Variants in EPB41L4B observed in about 807,000 individuals in gnomAD.
EPB41L4B encodes the protein band 4.1-like protein 4B.
A neutral mutation model predicts 112.5 loss-of-function variants in EPB41L4B; 30 were observed. That is an observed-to-expected ratio of 0.27 (90% CI 0.20 to 0.36). The LOEUF is 0.36. EPB41L4B is among the 10% of genes least tolerant of loss of function. EPB41L4B has a pLI of 1.00. For missense variants in EPB41L4B, 1,024 were observed against 1,133.3 expected, an observed-to-expected ratio of 0.90 and a Z score of 1.38; for synonymous variants, 408 against 439.7, an observed-to-expected ratio of 0.93 and a Z score of 0.90.
At chr9:109,320,024 G>A in intron 1 of EPB41L4B, 117 bp downstream of exon 1, 1 of 807,692 alleles carries the variant, frequency 1.2e-6, no homozygotes, top group South Asian at 3.8e-5. Flanking sequence ...GAAGAGGATG[G>A]GGGAGGGGAT....
chr9:109,279,845 A>T lies in EPB41L4B; in HGVS notation c.383T>A (p.Leu128His). 1 of 1,614,176 alleles carries T rather than the reference A, an allele frequency of 6.2e-7. No individual in the cohort carries two copies. The highest frequency in any genetic ancestry group is 8.5e-7 in the Non-Finnish European group (1 of 1,180,000). ...LDLVETDYFG[L>H]QFLDSAQVAH... is the part of the protein sequence containing the mutation. Reference sequence around the variant, plus strand: ...AACCTGGGCAGAGTCGAGGAACTGGAGGCCAAAGTAATCTGTTTCCACAAG... The same window carrying T: ...AACCTGGGCAGAGTCGAGGAACTGGTGGCCAAAGTAATCTGTTTCCACAAG... The change falls in exon 2 of 26, where the codon CTC (leucine) becomes CAC (histidine). Residue 128 changes from leucine (L) to histidine (H), a missense_variant. By Grantham distance (99) the Leu-to-His change is moderately conservative. Coordinates refer to ENST00000374566, the MANE Select transcript of EPB41L4B (RefSeq NM_019114.5).
chr9:109,315,442 G>A (rs1392008916), intron 1 of EPB41L4B, among the ~76,000 whole-genome samples: 1 of 152,136 alleles, frequency 6.6e-6, no homozygotes, highest in Non-Finnish European at 1.5e-5. Flanking sequence ...TTTTTCCACT[G>A]TTTGGGAAAA....
intron 1 of EPB41L4B, among the ~76,000 whole-genome samples, chr9:109,297,228 A>G (rs953330811): frequency 7.9e-5 from 12 of 151,828 alleles, no homozygotes; most frequent in Non-Finnish European, 4.4e-5. Flanking sequence ...AGCCAAGGAG[A>G]GAGGCTTCAG....
At position 109,216,950 on chromosome 9, in the gene EPB41L4B, G is replaced by C; in HGVS notation, c.1605C>G (p.Ser535=). Residue 535 remains serine, a synonymous_variant, in exon 16 of 26, where the codon TCC becomes TCG. Coordinates refer to ENST00000374566, the MANE Select transcript of EPB41L4B (RefSeq NM_019114.5). ...TLENKEGPLR[S]PNSSSKSLTK... The stretch of plus-strand genomic sequence containing the variant: ...TAAGGGACTTGCTGCTGGAGTTTGG[G>C]GACCTCAGAGGCCCCTCTTTGTTCT... 6.2e-7 allele frequency: 1 copy of C among 1,614,138 alleles called. No individual in the cohort carries two copies. Among genetic ancestry groups the C allele is most frequent in the Admixed American group, 1.7e-5 (1 of 60,016 alleles).
intron 2 of EPB41L4B, among the ~76,000 whole-genome samples, chr9:109,279,253 C>A (rs1381230974): frequency 2.0e-5 from 3 of 151,698 alleles, no homozygotes; most frequent in Non-Finnish European, 2.9e-5. Flanking sequence ...TGGAATACAG[C>A]CACTAGGGAG....
chr9:109,185,518 A>C lies in EPB41L4B; in HGVS notation c.2389T>G (p.Cys797Gly), dbSNP rs757769266. 3.7e-6 allele frequency: 6 copies of C among 1,613,826 alleles called. No homozygotes were observed. The African/African-American group carries it at 8.0e-5, about 22-fold the overall frequency. Residue 797 changes from cysteine (C) to glycine (G), a missense_variant, in exon 23 of 26, where the codon TGC becomes GGC. Physicochemically the swap from Cys to Gly is radical, Grantham distance 159. Transcript: ENST00000374566. ...LPMKEETTGV[C>G]MYPPIKTRLI... The stretch of plus-strand genomic sequence containing the variant: ...CTCGTTTTGATTGGAGGGTACATGC[A>C]AACTCCAGTGGTCTCTTCCTTCATG...
rs1554766777 is a variant in EPB41L4B at position 109,314,636 on chromosome 9, C to CA, written c.306+5504_306+5505insT. 1.7e-4 allele frequency among the ~76,000 whole-genome samples: 21 copies of CA among 127,104 alleles called. 1 individual carries two copies. The highest frequency in any genetic ancestry group is 7.2e-4 in the African/African-American group (20 of 27,814). The allele number at this position is 127,104 out of a possible 152,430, so 83.4% of individuals were successfully genotyped here. A position where few individuals can be genotyped will look rare whatever the true frequency, so the allele number is the denominator to read the frequency against. ...AGGGTGTTCATTACCCCTCTCTCAC[C>CA]CCCCCCCACCTCAGCCTTTCTTTTA... On this transcript the variant is annotated intron_variant, in intron 1 of 25. Coordinates refer to ENST00000374566, the MANE Select transcript of EPB41L4B (RefSeq NM_019114.5).
chr9:109,227,370 T>C (rs1461986992), intron 15 of EPB41L4B, among the ~76,000 whole-genome samples: 1 of 152,202 alleles, frequency 6.6e-6, no homozygotes, highest in Non-Finnish European at 1.5e-5. Context: ...AAAATCCCAC[T>C]GGAGTTCTGA....
intron 1 of EPB41L4B, among the ~76,000 whole-genome samples, chr9:109,313,250 G>A (rs917955538): frequency 6.6e-6 from 1 of 152,226 alleles, no homozygotes; most frequent in Non-Finnish European, 1.5e-5. Flanking sequence ...TTAATGTAGT[G>A]TAAGGGCTCA....
chr9:109,221,157 C>T (rs1260015463), intron 15 of EPB41L4B, among the ~76,000 whole-genome samples: 1 of 150,852 alleles, frequency 6.6e-6, no homozygotes, highest in Non-Finnish European at 1.5e-5. Flanking sequence ...AAAAGATTCC[C>T]TTTTAAAAAC....
intron 15 of EPB41L4B, among the ~76,000 whole-genome samples, chr9:109,220,097 C>CTTAA (rs1833520868): frequency 6.6e-6 from 1 of 152,154 alleles, no homozygotes; most frequent in South Asian, 2.1e-4. Context: ...CAGTAAATGC[C>CTTAA]TTTATTTATT....
chr9:109,256,122 C>G lies in EPB41L4B; in HGVS notation c.929+14G>C. 1 of 1,604,102 alleles carries G rather than the reference C, an allele frequency of 6.2e-7. No homozygotes were observed. Among genetic ancestry groups the G allele is most frequent in the East Asian group, 2.2e-5 (1 of 44,810 alleles). ...AGGAAAAGACATTTTTAATATTAGA[C>G]AAAACTAAATTACCAAAAGAATAAG... is the stretch of plus-strand genomic sequence containing the variant. On this transcript the variant is annotated intron_variant, in intron 9 of 25. Transcript: ENST00000374566.
intron 17 of EPB41L4B, among the ~76,000 whole-genome samples, chr9:109,210,085 CA>C (rs112355718): frequency 3.3e-4 from 48 of 145,700 alleles, no homozygotes; most frequent in African/African-American, 7.0e-4. Flanking sequence ...TATATATAAC[CA>C]AAAAAAAAAG....
intron 2 of EPB41L4B, among the ~76,000 whole-genome samples, chr9:109,278,029 C>T (rs181644696): frequency 2.7e-4 from 41 of 152,090 alleles, no homozygotes; most frequent in African/African-American, 9.6e-4. Context: ...CTGAGGCTAC[C>T]CAGAGGAAGA....
intron 22 of EPB41L4B, among the ~76,000 whole-genome samples, chr9:109,186,460 T>G (rs2118646651): frequency 6.6e-6 from 1 of 151,434 alleles, no homozygotes; most frequent in Admixed American, 6.6e-5. Flanking sequence ...GTGTTGGGAT[T>G]ACAAGTGTGA....
intron 14 of EPB41L4B, 108 bp downstream of exon 14, chr9:109,247,648 G>T: frequency 3.0e-6 from 2 of 675,520 alleles, no homozygotes; most frequent in South Asian, 3.8e-5. Context: ...TTACAAATAT[G>T]ATGACTGCTC....
intron 1 of EPB41L4B, among the ~76,000 whole-genome samples, chr9:109,286,282 A>G (rs984020118): frequency 2.0e-5 from 3 of 152,030 alleles, no homozygotes; most frequent in Non-Finnish European, 2.9e-5. Flanking sequence ...GGAGGTGGGT[A>G]AGATCTGGGG....
intron 1 of EPB41L4B, among the ~76,000 whole-genome samples, chr9:109,291,690 G>C (rs1194770758): frequency 1.3e-5 from 2 of 152,192 alleles, no homozygotes; most frequent in Non-Finnish European, 2.9e-5. Flanking sequence ...TTAGAAGAAA[G>C]TGACTGCCTG....
Position 109,188,999 on chromosome 9 carries a change from T to C in EPB41L4B, c.2301+3279A>G, listed in dbSNP as rs560596468. Among the ~76,000 whole-genome samples the C allele has an allele frequency of 2.4e-4, 36 of 152,260 alleles. No individual in the cohort carries two copies. The South Asian group carries it at 6.8e-3, about 29-fold the overall frequency. On this transcript the variant is annotated intron_variant, in intron 22 of 25. Transcript: ENST00000374566. ...CGCATTCTAGGGTGAACATCACTAA[T>C]GCATCAATGTACCCTCCCCCAACTC...
Sources: allele counts gnomAD v4.1 joint callset (sites outside exome capture counted in the v4.1 genomes callset), GRCh38; gene constraint gnomAD v4.1.1; transcripts MANE v1.5; gene names NCBI Gene and HGNC (gene_info 2026-07-23, HGNC 2026-07-21).